The following ABCC4 variants were observed in gnomAD, a reference collection of about 807,000 sequenced individuals.
ABCC4 encodes ATP binding cassette subfamily C member 4 (PEL blood group).
ABCC4 carries 102 observed loss-of-function variants against 168.5 expected under a neutral mutation model. The ratio of observed to expected loss-of-function variants is 0.61; its 90% CI spans 0.52 to 0.71. ABCC4 has a LOEUF of 0.71. Ranked by LOEUF, ABCC4 falls within the 30% of genes least tolerant of loss-of-function variation. ABCC4 has a pLI of 0.00. For missense variants in ABCC4, 1,402 were observed against 1,605.8 expected, an observed-to-expected ratio of 0.87 and a Z score of 2.17; for synonymous variants, 617 against 590.7, an observed-to-expected ratio of 1.04 and a Z score of -0.65.
At chr13:95,271,653 G>C (rs2040850158) in intron 1 of ABCC4, among the ~76,000 whole-genome samples, 1 of 152,178 alleles carries the variant, frequency 6.6e-6, no homozygotes, top group African/African-American at 2.4e-5. Context: ...TCAAGGATAC[G>C]TTGAGACACT....
At chr13:95,167,887 G>A (rs2139565052) in intron 14 of ABCC4, among the ~76,000 whole-genome samples, 1 of 152,228 alleles carries the variant, frequency 6.6e-6, no homozygotes, top group East Asian at 1.9e-4. Flanking sequence ...GTGTGTGTGT[G>A]GTAGGGTCTC....
chr13:95,213,873 A>C (rs1166548487), intron 4 of ABCC4, among the ~76,000 whole-genome samples: 1 of 152,152 alleles, frequency 6.6e-6, no homozygotes, highest in Non-Finnish European at 1.5e-5. Flanking sequence ...ATCGATCATA[A>C]TGTTCAACAT....
chr13:95,188,532 G>T lies in ABCC4; in HGVS notation c.1274C>A (p.Thr425Asn), dbSNP rs773219079. 6.2e-7 allele frequency: 1 copy of T among 1,610,090 alleles called. No individual in the cohort carries two copies. Among genetic ancestry groups the T allele is most frequent in the East Asian group, 2.2e-5 (1 of 44,758 alleles). Reference sequence around the variant, plus strand: ...AAAGGAAAGGCCTTGTAGAGTTGGGGTCTCTGATGCCTACAAATTAAAGTT... The same window carrying T: ...AAAGGAAAGGCCTTGTAGAGTTGGGTTCTCTGATGCCTACAAATTAAAGTT... ...FTAFWDKASE[T>N]PTLQGLSFTV... is the part of the protein sequence containing the mutation. Residue 425 changes from threonine to asparagine, a missense_variant, in exon 10 of 31, where the codon ACC becomes AAC. By Grantham distance (65) the Thr-to-Asn change is moderately conservative. This residue lies in a region of ABCC4 where 1,007 missense variants were observed against 1,127.3 expected (regional missense o/e 0.89). Coordinates refer to ENST00000645237, the MANE Select transcript of ABCC4 (RefSeq NM_005845.5).
At chr13:95,055,748 T>TG (rs908494872) in intron 26 of ABCC4, 21 of 152,204 alleles carry the variant, frequency 1.4e-4, no homozygotes, top group African/African-American at 5.1e-4. Context: ...CCAGGCAGGG[T>TG]GGGGTGCGCC....
At chr13:95,163,936 G>A (rs2037180981) in intron 16 of ABCC4, among the ~76,000 whole-genome samples, 1 of 151,508 alleles carries the variant, frequency 6.6e-6, no homozygotes, top group Non-Finnish European at 1.5e-5. Context: ...AGCTACTCCG[G>A]AGGCTGAGAC....
At chr13:95,139,832 G>C (rs921212538) in intron 19 of ABCC4, among the ~76,000 whole-genome samples, 12 of 152,174 alleles carry the variant, frequency 7.9e-5, no homozygotes, top group African/African-American at 2.9e-4. Context: ...ACAAACTCCA[G>C]TGCTAAAAGT....
chr13:95,127,700 T>A (rs1177677532), intron 19 of ABCC4, among the ~76,000 whole-genome samples: 2 of 152,158 alleles, frequency 1.3e-5, no homozygotes, highest in African/African-American at 2.4e-5. Flanking sequence ...CCCTCAGTGG[T>A]GATCTCATGC....
At chr13:95,067,180 G>A (rs566776877) in intron 25 of ABCC4, among the ~76,000 whole-genome samples, 27 of 152,216 alleles carry the variant, frequency 1.8e-4, no homozygotes, top group Non-Finnish European at 3.1e-4. Context: ...TATGAGGACA[G>A]AGACTGCTAT....
At position 95,148,251 on chromosome 13, in the gene ABCC4, A is replaced by G. The variant is rs1052491690; in HGVS notation, c.2455+12938T>C. Among the ~76,000 whole-genome samples, 4 of 152,278 alleles carry G rather than the reference A, an allele frequency of 2.6e-5. No individual in the cohort carries two copies. In the East Asian group the frequency reaches 7.7e-4, roughly 29 times the overall value. ...ACACAAAAAAAGGATTGTACTGTTA[A>G]TATCATCGCCATACTACAAATAAGT... On this transcript the variant is annotated intron_variant, in intron 19 of 30. Coordinates refer to ENST00000645237, the MANE Select transcript of ABCC4 (RefSeq NM_005845.5).
At chr13:95,108,551 C>T (rs1471570998) in intron 20 of ABCC4, among the ~76,000 whole-genome samples, 1 of 152,154 alleles carries the variant, frequency 6.6e-6, no homozygotes, top group East Asian at 1.9e-4. Flanking sequence ...TGCCTGCCGC[C>T]ATGTAAGACA....
chr13:95,253,923 C>CA (rs1363258804), intron 1 of ABCC4, among the ~76,000 whole-genome samples: 1 of 152,070 alleles, frequency 6.6e-6, no homozygotes, highest in East Asian at 1.9e-4. Flanking sequence ...GACAGGGTCT[C>CA]ACTCTCTTAC....
rs565835390 is a variant in ABCC4 at position 95,178,095 on chromosome 13, T to C, written c.1546-4A>G. On this transcript the variant is annotated splice_region_variant and splice_polypyrimidine_tract_variant and intron_variant, in intron 11 of 30. Coordinates refer to ENST00000645237, the MANE Select transcript of ABCC4 (RefSeq NM_005845.5). ...CATCCTCCAACAGCTGTAAATCCTG[T>C]ATGGACAAAGGAAAGAAGGGGGGAA... 13 of 1,613,332 alleles carry C rather than the reference T, an allele frequency of 8.1e-6. No homozygotes were observed. The South Asian group carries it at 9.9e-5, about 12-fold the overall frequency.
At chr13:95,285,484 A>G (rs1242548006) in intron 1 of ABCC4, among the ~76,000 whole-genome samples, 1 of 152,110 alleles carries the variant, frequency 6.6e-6, no homozygotes, top group East Asian at 1.9e-4. Flanking sequence ...CAGGAGGCAG[A>G]GGTTGCAGTG....
intron 19 of ABCC4, among the ~76,000 whole-genome samples, chr13:95,127,371 C>T (rs1187270147): frequency 6.6e-6 from 1 of 152,218 alleles, no homozygotes; most frequent in African/African-American, 2.4e-5. Flanking sequence ...CTGCAACCTC[C>T]GCCTCCTGGG....
chr13:95,045,235 G>C (rs1199984243), intron 27 of ABCC4, among the ~76,000 whole-genome samples: 1 of 152,154 alleles, frequency 6.6e-6, no homozygotes, highest in Non-Finnish European at 1.5e-5. Context: ...AGCACATTTT[G>C]GAGACGAGTG....
intron 25 of ABCC4, among the ~76,000 whole-genome samples, chr13:95,065,314 G>A (rs763159411): frequency 2.4e-4 from 36 of 152,158 alleles, no homozygotes; most frequent in Non-Finnish European, 3.8e-4. Flanking sequence ...GTTATAATCA[G>A]TGCAAGTGAA....
rs1050107256 is a variant in ABCC4, at chr13:95,116,018, T to C, written c.2456-17A>G. On this transcript the variant is annotated splice_polypyrimidine_tract_variant and intron_variant, in intron 19 of 30. Transcript: ENST00000645237. ...AAATTCTTCCTGCAAGAACAGGATA[T>C]GAAAAATTACTCATTTCCCCAGATA... 5.6e-6 allele frequency: 9 copies of C among 1,595,860 alleles called. No homozygotes were observed. The African/African-American group carries it at 8.1e-5, about 14-fold the overall frequency.
chr13:95,115,890 A>G, intron 20 of ABCC4, 32 bp downstream of exon 20: 1 of 1,582,352 alleles, frequency 6.3e-7, no homozygotes, highest in Non-Finnish European at 8.6e-7. Context: ...TCCGTTTTCC[A>G]TTTGAGATCC....
intron 30 of ABCC4, among the ~76,000 whole-genome samples, chr13:95,025,160 T>C (rs2031340923): frequency 7.1e-6 from 1 of 140,144 alleles, no homozygotes; most frequent in African/African-American, 2.7e-5. Flanking sequence ...CACTCTCAAT[T>C]TCACATACAC....
Sources: gnomAD v4.1 joint callset for allele counts (sites outside exome capture counted in the v4.1 genomes callset) on GRCh38, gnomAD v4.1.1 for gene constraint, gnomAD v4.1.1 regional missense constraint, MANE v1.5 for transcripts, NCBI Gene and HGNC (gene_info 2026-07-23, HGNC 2026-07-21) for gene names.